Variants in CPED1 observed in about 807,000 individuals in gnomAD.
The protein encoded by CPED1 is cadherin like and PC-esterase domain containing 1, also known as cadherin-like and PC-esterase domain-containing protein 1.
In CPED1, 114 loss-of-function variants were observed where a neutral mutation model predicts 128.2. The observed-to-expected ratio is 0.89, with a 90% CI of 0.76 to 1.04. The LOEUF (loss-of-function observed/expected upper bound fraction) is 1.04, where lower values mean the gene tolerates loss of function less well. Ranked by LOEUF, CPED1 falls within the 50% of genes least tolerant of loss-of-function variation. CPED1 has a pLI of 0.00. For missense variants in CPED1, 1,211 were observed against 1,207.1 expected (o/e 1.00, Z -0.05); for synonymous variants, 462 against 426.7 (o/e 1.08, Z -1.02).
chr7:121,037,494 CT>C (rs1792925716), intron 3 of CPED1, among the ~76,000 whole-genome samples: 1 of 152,086 alleles, frequency 6.6e-6, no homozygotes, highest in Non-Finnish European at 1.5e-5. Flanking sequence ...TTGGATTGGT[CT>C]ATGTGCCTAT....
chr7:121,146,188 G>T (rs945385313), intron 16 of CPED1, among the ~76,000 whole-genome samples: 1 of 152,044 alleles, frequency 6.6e-6, no homozygotes, highest in Admixed American at 6.6e-5. Flanking sequence ...GAGGTTCTTC[G>T]TGCTGCATCC....
chr7:121,189,493 A>C (rs1797078202), intron 16 of CPED1, among the ~76,000 whole-genome samples: 1 of 151,636 alleles, frequency 6.6e-6, no homozygotes. Flanking sequence ...CAAGGGGGAA[A>C]TCCACCCCCA....
At chr7:121,149,652 T>C (rs1250578915) in intron 16 of CPED1, 1 of 152,254 alleles carries the variant, frequency 6.6e-6, no homozygotes, top group Non-Finnish European at 1.5e-5. Context: ...CTGTAAGTAC[T>C]GTCTCTGCAG....
chr7:121,130,267 A>G lies in CPED1; in HGVS notation c.1550A>G (p.Lys517Arg), dbSNP rs149346746. The change falls in exon 12 of 23, where the codon AAA (lysine) becomes AGA (arginine). Residue 517 changes from lysine to arginine, a missense_variant. Lys to Arg is a conservative substitution (Grantham distance 26). Coordinates refer to ENST00000310396, the MANE Select transcript of CPED1 (RefSeq NM_024913.5). The stretch of plus-strand genomic sequence containing the variant: ...TTTGAACAATTTCAGTTCATGAATA[A>G]AAAGACACAGCCACATCCACTGGAA... Reference protein sequence around the residue: ...NVFEQFQFMNKKTQPHPLEWN... With the variant: ...NVFEQFQFMNRKTQPHPLEWN... 1.8e-4 allele frequency: 283 copies of G among 1,606,744 alleles called. No homozygotes were observed. The highest frequency in any genetic ancestry group is 2.0e-4 in the Non-Finnish European group (230 of 1,177,362).
At chr7:121,105,846 A>G (rs1037204050) in intron 7 of CPED1, among the ~76,000 whole-genome samples, 1 of 152,062 alleles carries the variant, frequency 6.6e-6, no homozygotes, top group Non-Finnish European at 1.5e-5. Context: ...ACTTGGTTCT[A>G]TTAAAAGATT....
intron 16 of CPED1, among the ~76,000 whole-genome samples, chr7:121,165,512 G>A (rs1402548596): frequency 6.6e-6 from 1 of 152,148 alleles, no homozygotes; most frequent in African/African-American, 2.4e-5. Flanking sequence ...AATCATGAAA[G>A]AGTGATAGTA....
Position 121,275,990 on chromosome 7 carries a change from G to T in CPED1, c.2868+4560G>T, listed in dbSNP as rs1260298118. Among the ~76,000 whole-genome samples, 6 of 150,454 alleles carry T rather than the reference G, an allele frequency of 4.0e-5. No homozygotes were observed. The South Asian group carries it at 1.0e-3, about 26-fold the overall frequency. On this transcript the variant is annotated intron_variant, in intron 22 of 22. Transcript: ENST00000310396. Reference sequence around the variant, plus strand: ...TTAGGGAAAAAAAAGATACAAATATGGTTAACATAGTTAGCTGATATAGAA... The same window carrying T: ...TTAGGGAAAAAAAAGATACAAATATTGTTAACATAGTTAGCTGATATAGAA...
intron 7 of CPED1, among the ~76,000 whole-genome samples, chr7:121,117,077 T>TTATATATATATATATATAAATA (rs1795261156): frequency 1.6e-5 from 2 of 128,804 alleles, no homozygotes; most frequent in African/African-American, 6.0e-5. Flanking sequence ...TATATACACA[T>TTATATATATATATATATAAATA]TATATATATA....
chr7:121,260,488 C>G (rs1478247080), intron 18 of CPED1, among the ~76,000 whole-genome samples: 1 of 151,868 alleles, frequency 6.6e-6, no homozygotes, highest in African/African-American at 2.4e-5. Flanking sequence ...ACTGAACCAC[C>G]CCTTTCATCA....
At chr7:121,010,053 G>T (rs893958439) in intron 2 of CPED1, among the ~76,000 whole-genome samples, 1 of 151,994 alleles carries the variant, frequency 6.6e-6, no homozygotes, top group South Asian at 2.1e-4. Flanking sequence ...TACAACAATG[G>T]CCAAAGCAGA....
chr7:121,159,822 C>T (rs191504256), intron 16 of CPED1, among the ~76,000 whole-genome samples: 2 of 152,204 alleles, frequency 1.3e-5, no homozygotes, highest in Admixed American at 6.5e-5. Context: ...ATCATCCTCA[C>T]GTAGCACAAT....
intron 16 of CPED1, among the ~76,000 whole-genome samples, chr7:121,198,375 T>C (rs529829919): frequency 6.6e-6 from 1 of 152,268 alleles, no homozygotes; most frequent in South Asian, 2.1e-4. Flanking sequence ...TCGGTATGGT[T>C]TCTTGTGCAC....
At chr7:121,089,216 T>C (rs1794520024) in intron 5 of CPED1, among the ~76,000 whole-genome samples, 1 of 152,232 alleles carries the variant, frequency 6.6e-6, no homozygotes, top group Non-Finnish European at 1.5e-5. Context: ...CATTTGGAGC[T>C]CTAACCCTCA....
intron 2 of CPED1, among the ~76,000 whole-genome samples, chr7:121,001,678 G>A (rs953140677): frequency 6.6e-6 from 1 of 152,102 alleles, no homozygotes; most frequent in Non-Finnish European, 1.5e-5. Flanking sequence ...AGATCCTGCC[G>A]TGACCCATTC....
chr7:121,213,113 A>G (rs1797683421), intron 16 of CPED1, among the ~76,000 whole-genome samples: 1 of 152,022 alleles, frequency 6.6e-6, no homozygotes, highest in Non-Finnish European at 1.5e-5. Flanking sequence ...GTCTTCCCTG[A>G]TGAAGATTTA....
chr7:121,015,752 C>G lies in CPED1; in HGVS notation c.337C>G (p.Gln113Glu). 1 of 1,612,192 alleles carries G rather than the reference C, an allele frequency of 6.2e-7. No individual in the cohort carries two copies. The highest frequency in any genetic ancestry group is 2.2e-5 in the East Asian group (1 of 44,812). The stretch of plus-strand genomic sequence containing the variant: ...TCCTTTCTACAGCAAAACAGAGCTT[C>G]AGCTACACCAGCACATTCTGACTCA... ...RPPFYSKTEL[Q>E]LHQHILTQHG... The change falls in exon 3 of 23, where the codon CAG becomes GAG. Residue 113 changes from glutamine to glutamate, a missense_variant. Gln to Glu is a conservative substitution (Grantham distance 29, BLOSUM62 2). Coordinates refer to ENST00000310396, the MANE Select transcript of CPED1 (RefSeq NM_024913.5).
intron 18 of CPED1, among the ~76,000 whole-genome samples, chr7:121,254,751 G>C (rs1012572194): frequency 6.6e-6 from 1 of 151,778 alleles, no homozygotes; most frequent in African/African-American, 2.4e-5. Flanking sequence ...GCATACAAAA[G>C]ATCCTCAGAG....
intron 18 of CPED1, among the ~76,000 whole-genome samples, chr7:121,249,758 C>A (rs553452456): frequency 6.6e-6 from 1 of 152,238 alleles, no homozygotes; most frequent in South Asian, 2.1e-4. Flanking sequence ...ATCAATTCAA[C>A]AAGAAGAACT....
In CPED1 at chr7:121,269,152, G is replaced by A. The variant is rs146376507; in HGVS notation, c.2721+1850G>A. On this transcript the variant is annotated intron_variant, in intron 21 of 22. Coordinates refer to ENST00000310396, the MANE Select transcript of CPED1 (RefSeq NM_024913.5). Reference sequence around the variant, plus strand: ...CTAATAGGTAATTCTCCAACCCTTTGTCCTCTCCCTTCCTCCCGCTTCTTG... The same window carrying A: ...CTAATAGGTAATTCTCCAACCCTTTATCCTCTCCCTTCCTCCCGCTTCTTG... Among the ~76,000 whole-genome samples, 254 of 152,014 alleles carry A rather than the reference G, an allele frequency of 1.7e-3. 1 individual carries two copies. The highest frequency in any genetic ancestry group is 6.0e-3 in the African/African-American group (248 of 41,504).
Sources: allele counts gnomAD v4.1 joint callset (sites outside exome capture counted in the v4.1 genomes callset), GRCh38; gene constraint gnomAD v4.1.1; transcripts MANE v1.5; gene names NCBI Gene and HGNC (gene_info 2026-07-23, HGNC 2026-07-21).